Variants in ARMC2 observed in about 807,000 individuals in gnomAD.
ARMC2 encodes armadillo repeat containing 2.
Under a neutral mutation model 90.3 loss-of-function variants are expected in ARMC2, and 67 were observed. That is an observed-to-expected ratio of 0.74 (90% CI 0.61 to 0.91). ARMC2 has a LOEUF of 0.91. Among genes scored for constraint, ARMC2 ranks in the 40% least tolerant of loss-of-function variants. The pLI is 0.00. For synonymous variants in ARMC2, 393 were observed against 393.0 expected (o/e 1.00, Z 0.00); for missense variants, 920 against 1,030.9 (o/e 0.89, Z 1.47).
the ARMC2 span, chr6:108,998,379 A>G: frequency 1.0e-6 from 1 of 965,794 alleles, no homozygotes; most frequent in Admixed American, 2.5e-5. Context: ...ACCCTACTGA[A>G]TGAATAGATA....
intron 3 of ARMC2, among the ~76,000 whole-genome samples, chr6:108,861,795 GTTGTT>G (rs1231305108): frequency 6.6e-6 from 1 of 152,100 alleles, no homozygotes; most frequent in Non-Finnish European, 1.5e-5. Flanking sequence ...CTATGATTCT[GTTGTT>G]TGACTCCTGT....
At position 108,922,281 on chromosome 6, in the gene ARMC2, T is replaced by TC. The variant is rs1474265229; in HGVS notation, c.1351-5806dup. On this transcript the variant is annotated intron_variant, in intron 10 of 17. Coordinates refer to ENST00000392644, the MANE Select transcript of ARMC2 (RefSeq NM_032131.6). ...GAGGGCCCCCCCACCCTTTTTTTTT[T>TC]CTTGAGACAGAGTCTCACTGTGTCA... 2.6e-5 allele frequency among the ~76,000 whole-genome samples: 4 copies of TC among 151,966 alleles called. No individual in the cohort carries two copies. In the South Asian group the frequency reaches 8.3e-4, roughly 32 times the overall value.
the ARMC2 span, among the ~76,000 whole-genome samples, chr6:108,986,254 A>AAGAT: frequency 6.6e-6 from 1 of 152,220 alleles, no homozygotes; most frequent in African/African-American, 2.4e-5. Context: ...AGTCATTTCC[A>AAGAT]AGATAAAAAT....
At chr6:108,985,896 A>C in the ARMC2 span, among the ~76,000 whole-genome samples, 21 of 152,224 alleles carry the variant, frequency 1.4e-4, no homozygotes, top group Non-Finnish European at 2.6e-4. Flanking sequence ...GAAGATAATA[A>C]TACTCTATTC....
intron 9 of ARMC2, 48 bp downstream of exon 9, chr6:108,911,049 A>C (rs1420467383): frequency 5.1e-6 from 6 of 1,172,212 alleles, no homozygotes; most frequent in Non-Finnish European, 7.2e-6. Flanking sequence ...TACTTGAGTA[A>C]AAATTAGAAG....
intron 3 of ARMC2, among the ~76,000 whole-genome samples, chr6:108,861,102 G>A (rs1775191788): frequency 6.6e-6 from 1 of 152,174 alleles, no homozygotes; most frequent in Non-Finnish European, 1.5e-5. Flanking sequence ...GCATGGAGCT[G>A]GGAAGGATGG....
At chr6:108,988,748 A>G in the ARMC2 span, 2 of 1,335,508 alleles carry the variant, frequency 1.5e-6, no homozygotes, top group East Asian at 2.4e-5. Context: ...TTCATCTTAC[A>G]AAAGTATACA....
rs959271136 is a variant in ARMC2, at chr6:108,889,465, G to C, written c.672-5002G>C. ...CCTGCCTGTTATTATTTTTGAGACAGGGTCTCACTCTGTCACCCAAGCTGG... is the reference window on the plus strand; with the variant it reads ...CCTGCCTGTTATTATTTTTGAGACACGGTCTCACTCTGTCACCCAAGCTGG... On this transcript the variant is annotated intron_variant, in intron 5 of 17. Transcript: ENST00000392644. 3.0e-4 allele frequency among the ~76,000 whole-genome samples: 45 copies of C among 151,074 alleles called. 1 individual carries two copies. The highest frequency in any genetic ancestry group is 1.0e-3 in the African/African-American group (41 of 40,894).
intron 1 of ARMC2, among the ~76,000 whole-genome samples, chr6:108,850,783 T>C (rs17315740): frequency 0.12 from 18,797 of 152,264 alleles, 1,576 homozygotes; most frequent in Non-Finnish European, 0.19. Flanking sequence ...GTGCCTCACG[T>C]GGACGGTTGG....
At chr6:108,994,428 A>G in the ARMC2 span, 6 of 1,541,998 alleles carry the variant, frequency 3.9e-6, no homozygotes, top group African/African-American at 1.4e-5. Context: ...TGAGTTTGCA[A>G]TAATTATATT....
At chr6:109,044,609 TG>T in the ARMC2 span, among the ~76,000 whole-genome samples, 1 of 152,304 alleles carries the variant, frequency 6.6e-6, no homozygotes, top group Non-Finnish European at 1.5e-5. Flanking sequence ...CTTTCATCAC[TG>T]ACCAAACCTG....
At chr6:108,854,594 C>G in intron 2 of ARMC2, 109 bp downstream of exon 2, 1 of 1,133,204 alleles carries the variant, frequency 8.8e-7, no homozygotes, top group Non-Finnish European at 1.2e-6. Context: ...TTTTTTAGAA[C>G]AGTTTTAAGT....
intron 3 of ARMC2, 109 bp from the exon 4 acceptor site, chr6:108,868,715 C>T: frequency 1.1e-6 from 1 of 942,394 alleles, no homozygotes; most frequent in Non-Finnish European, 1.6e-6. Flanking sequence ...AAGATGAAGG[C>T]AGGCAGATAG....
chr6:108,913,199 CT>C (rs897226837), intron 10 of ARMC2, among the ~76,000 whole-genome samples: 1 of 152,158 alleles, frequency 6.6e-6, no homozygotes, highest in African/African-American at 2.4e-5. Flanking sequence ...TGAGATTTTA[CT>C]TTTTAATAGC....
the ARMC2 span, among the ~76,000 whole-genome samples, chr6:108,987,918 T>C: frequency 6.6e-6 from 1 of 151,128 alleles, no homozygotes; most frequent in South Asian, 2.1e-4. Context: ...TTCTCATGCC[T>C]CAGCTTCCCA....
At chr6:108,965,644 A>G (rs1268261874) in intron 17 of ARMC2, among the ~76,000 whole-genome samples, 1 of 151,958 alleles carries the variant, frequency 6.6e-6, no homozygotes, top group Admixed American at 6.6e-5. Context: ...AGGAAAGAAG[A>G]TTGTTTCTTT....
At chr6:108,894,697 C>A (rs1771419033) in intron 6 of ARMC2, among the ~76,000 whole-genome samples, 154 bp downstream of exon 6, 1 of 150,530 alleles carries the variant, frequency 6.6e-6, no homozygotes, top group Admixed American at 6.6e-5. Context: ...TTATTATATT[C>A]ATACAATGTT....
chr6:108,850,292 C>T (rs1773873386), intron 1 of ARMC2, among the ~76,000 whole-genome samples: 1 of 152,206 alleles, frequency 6.6e-6, no homozygotes, highest in African/African-American at 2.4e-5. Context: ...CAGCCTCTTT[C>T]TTCTTTCCTC....
chr6:108,850,363 GTTTGC>G (rs1773881848), intron 1 of ARMC2, among the ~76,000 whole-genome samples: 1 of 152,040 alleles, frequency 6.6e-6, no homozygotes, highest in East Asian at 1.9e-4. Flanking sequence ...GCTCCCCTAG[GTTTGC>G]ATACCTAGTG....
Sources: gnomAD v4.1 joint callset for allele counts (sites outside exome capture counted in the v4.1 genomes callset) on GRCh38, gnomAD v4.1.1 for gene constraint, MANE v1.5 for transcripts, NCBI Gene and HGNC (gene_info 2026-07-23, HGNC 2026-07-21) for gene names.